The following DSCAM variants were observed in gnomAD, a reference collection of about 807,000 sequenced individuals.
The protein encoded by DSCAM is cell adhesion molecule DSCAM.
DSCAM carries 47 observed loss-of-function variants against 217.7 expected under a neutral mutation model. The ratio of observed to expected loss-of-function variants is 0.22; its 90% CI spans 0.17 to 0.28. The LOEUF is 0.28. DSCAM is among the 10% of genes least tolerant of loss of function. The pLI, the probability that DSCAM is intolerant of heterozygous loss-of-function variation, is 1.00. For synonymous variants in DSCAM, 1,056 were observed against 1,015.3 expected, an observed-to-expected ratio of 1.04 and a Z score of -0.76; for missense variants, 2,080 against 2,618.3, an observed-to-expected ratio of 0.79 and a Z score of 4.49.
chr21:40,526,703 C>A lies in DSCAM; in HGVS notation c.509-157458G>T, dbSNP rs146684368. 4.5e-4 allele frequency among the ~76,000 whole-genome samples: 68 copies of A among 152,104 alleles called. 1 individual carries two copies. In the East Asian group the frequency reaches 0.013, roughly 28 times the overall value. On this transcript the variant is annotated intron_variant, in intron 3 of 32. Transcript: ENST00000400454. ...GGGCACTTCAACAGAGGCCTGAATA[C>A]ATTAGTTAGCTTGATTGTGGCACTC...
chr21:40,350,226 G>C (rs1178426909), intron 5 of DSCAM, among the ~76,000 whole-genome samples: 2 of 152,134 alleles, frequency 1.3e-5, no homozygotes, highest in East Asian at 3.9e-4. Context: ...CATATGCATG[G>C]ACAAAGACTT....
chr21:40,017,312 G>A (rs2088176673), intron 32 of DSCAM, among the ~76,000 whole-genome samples: 1 of 152,032 alleles, frequency 6.6e-6, no homozygotes, highest in African/African-American at 2.4e-5. Flanking sequence ...TTATTACATT[G>A]TTGCACCACT....
intron 11 of DSCAM, among the ~76,000 whole-genome samples, chr21:40,264,023 G>T (rs763128446): frequency 6.6e-6 from 1 of 151,382 alleles, no homozygotes; most frequent in Non-Finnish European, 1.5e-5. Context: ...ATCCTGATGA[G>T]ACTAATAACA....
chr21:40,295,181 TG>T (rs1233041314), intron 10 of DSCAM, among the ~76,000 whole-genome samples: 3 of 151,336 alleles, frequency 2.0e-5, no homozygotes, highest in African/African-American at 7.3e-5. Flanking sequence ...CTTAGGTTAT[TG>T]GAAAAAAAAA....
At chr21:40,305,515 C>T (rs2074063845) in intron 9 of DSCAM, among the ~76,000 whole-genome samples, 1 of 152,030 alleles carries the variant, frequency 6.6e-6, no homozygotes, top group African/African-American at 2.4e-5. Context: ...AATCCTTGCC[C>T]ATGCCTATGT....
intron 2 of DSCAM, among the ~76,000 whole-genome samples, chr21:40,695,070 T>A (rs1449730005): frequency 6.6e-6 from 1 of 152,170 alleles, no homozygotes; most frequent in Non-Finnish European, 1.5e-5. Context: ...GATGCTTGTT[T>A]CTTTGCAATA....
chr21:40,186,351 C>A (rs66470706), intron 14 of DSCAM, among the ~76,000 whole-genome samples: 1 of 151,986 alleles, frequency 6.6e-6, no homozygotes, highest in African/African-American at 2.4e-5. Flanking sequence ...GCTGCTTTTG[C>A]GGCCTAGAAG....
chr21:40,291,079 G>A lies in DSCAM; in HGVS notation c.2182+4976C>T, dbSNP rs527863037. On this transcript the variant is annotated intron_variant, in intron 10 of 32. Coordinates refer to ENST00000400454, the MANE Select transcript of DSCAM (RefSeq NM_001389.5). ...GCCACAGGTCTGCCCTCCTGGAGTCGTCCTGTCTGTCACCGGCACTTCCAC... is the reference window on the plus strand; with the variant it reads ...GCCACAGGTCTGCCCTCCTGGAGTCATCCTGTCTGTCACCGGCACTTCCAC... 3.0e-4 allele frequency among the ~76,000 whole-genome samples: 45 copies of A among 152,254 alleles called. No homozygotes were observed. In the South Asian group the frequency reaches 6.2e-3, roughly 21 times the overall value.
At position 40,597,500 on chromosome 21, in the gene DSCAM, CTTTTTTT is replaced by C. The variant is rs10530311; in HGVS notation, c.508+95303_508+95309del. Reference sequence around the variant, plus strand: ...AACCTATCTTTTTTACAGTAATAGGCTTTTTTTTTTTTTTTTTTTTTTTGGAGACAGA... The same window carrying C: ...AACCTATCTTTTTTACAGTAATAGGCTTTTTTTTTTTTTTTTGGAGACAGA... On this transcript the variant is annotated intron_variant, in intron 3 of 32. Coordinates refer to ENST00000400454, the MANE Select transcript of DSCAM (RefSeq NM_001389.5). 1.2e-4 allele frequency among the ~76,000 whole-genome samples: 9 copies of C among 75,854 alleles called. No homozygotes were observed. In the Admixed American group the frequency reaches 1.6e-3, roughly 13 times the overall value. 49.8% of individuals were successfully genotyped at this position (75,854 alleles called of 152,430 possible).
intron 15 of DSCAM, among the ~76,000 whole-genome samples, chr21:40,178,657 T>C (rs1434386540): frequency 1.3e-5 from 2 of 152,222 alleles, no homozygotes; most frequent in East Asian, 1.9e-4. Flanking sequence ...CATGATTCTT[T>C]GAATCTCACC....
chr21:40,596,190 TAGAC>T (rs1198243113), intron 3 of DSCAM, among the ~76,000 whole-genome samples: 2 of 152,172 alleles, frequency 1.3e-5, no homozygotes, highest in African/African-American at 4.8e-5. Context: ...CCCCTAATAA[TAGAC>T]AGGTACTACC....
chr21:40,620,749 T>C (rs373103009), intron 3 of DSCAM, among the ~76,000 whole-genome samples: 3 of 152,206 alleles, frequency 2.0e-5, no homozygotes, highest in African/African-American at 7.2e-5. Context: ...GTATTTATCA[T>C]CCAATTCAGA....
intron 3 of DSCAM, among the ~76,000 whole-genome samples, chr21:40,570,958 A>G (rs986372680): frequency 1.3e-5 from 2 of 152,214 alleles, no homozygotes; most frequent in African/African-American, 4.8e-5. Context: ...ATTTTAAGAG[A>G]CAATAGCCAA....
chr21:40,199,531 G>A (rs1469703449), intron 11 of DSCAM, among the ~76,000 whole-genome samples: 1 of 152,138 alleles, frequency 6.6e-6, no homozygotes, highest in East Asian at 1.9e-4. Flanking sequence ...GGATTGCTGG[G>A]TCAAATGGTA....
chr21:40,806,714 T>C (rs2091790870), intron 1 of DSCAM, among the ~76,000 whole-genome samples: 1 of 152,180 alleles, frequency 6.6e-6, no homozygotes, highest in African/African-American at 2.4e-5. Flanking sequence ...CCAACCCAAA[T>C]GCCCATCAGT....
intron 1 of DSCAM, among the ~76,000 whole-genome samples, chr21:40,815,283 T>C (rs974887005): frequency 6.6e-6 from 1 of 151,972 alleles, no homozygotes; most frequent in African/African-American, 2.4e-5. Context: ...GATAAGGCTA[T>C]TTTCCCCCTA....
Position 40,780,398 on chromosome 21 carries a change from C to CGTGT in DSCAM, c.43+66217_43+66220dup, listed in dbSNP as rs140268971. ...TGCCTCACCTATTTCCAAATATAAA[C>CGTGT]GTGTGTGTGTGTGTGTGTGTGTGTG... is the stretch of plus-strand genomic sequence containing the variant. On this transcript the variant is annotated intron_variant, in intron 1 of 32. Transcript: ENST00000400454. Among the ~76,000 whole-genome samples the CGTGT allele has an allele frequency of 1.9e-3, 206 of 108,420 alleles. 3 individuals are homozygous for CGTGT. Among genetic ancestry groups the CGTGT allele is most frequent in the East Asian group, 7.9e-3 (27 of 3,436 alleles). The allele number at this position is 108,420 out of a possible 152,430, so 71.1% of individuals were successfully genotyped here. A position where few individuals can be genotyped will look rare whatever the true frequency, so the allele number is the denominator to read the frequency against.
chr21:40,645,432 G>A (rs62223646), intron 3 of DSCAM, among the ~76,000 whole-genome samples: 3,874 of 152,248 alleles, frequency 0.025, 83 homozygotes, highest in Middle Eastern at 0.041. Context: ...ACTGTAGAAG[G>A]CTGTTAATTG....
intron 20 of DSCAM, 104 bp from the exon 21 acceptor site, chr21:40,093,978 ACT>A: frequency 8.5e-7 from 1 of 1,183,426 alleles, no homozygotes; most frequent in Non-Finnish European, 1.2e-6. Flanking sequence ...TAACAAAAAA[ACT>A]CAACTCACTC....
Sources: gnomAD v4.1 joint callset for allele counts (sites outside exome capture counted in the v4.1 genomes callset) on GRCh38, gnomAD v4.1.1 for gene constraint, MANE v1.5 for transcripts, NCBI Gene and HGNC (gene_info 2026-07-23, HGNC 2026-07-21) for gene names.